NDUFAB1: variants seen among roughly 807,000 people sequenced by gnomAD.
The protein encoded by NDUFAB1 is acyl carrier protein, mitochondrial.
Under a neutral mutation model 16.1 loss-of-function variants are expected in NDUFAB1, and 5 were observed. The observed-to-expected ratio is 0.31, with a 90% CI of 0.16 to 0.65. The LOEUF (loss-of-function observed/expected upper bound fraction) is 0.65. Among genes scored for constraint, NDUFAB1 ranks in the 30% least tolerant of loss-of-function variants. NDUFAB1 has a pLI of 0.77. For synonymous variants in NDUFAB1, 85 were observed against 78.4 expected, an observed-to-expected ratio of 1.08 and a Z score of -0.44; for missense variants, 187 against 205.3, an observed-to-expected ratio of 0.91 and a Z score of 0.54.
chr16:23,582,224 G>A lies in NDUFAB1; in HGVS notation c.*8+52C>T, dbSNP rs1025689847. 5 of 1,372,194 alleles carry A rather than the reference G, an allele frequency of 3.6e-6. No individual in the cohort carries two copies. In the African/African-American group the frequency reaches 7.6e-5, roughly 21 times the overall value. 85.0% of individuals were successfully genotyped at this position (1,372,194 alleles called of 1,614,324 possible). On this transcript the variant is annotated intron_variant, in intron 4 of 4. Coordinates refer to ENST00000007516, the MANE Select transcript of NDUFAB1 (RefSeq NM_005003.3). ...TGTTTCTTCTTAAGTTTCCTTTATT[G>A]AAGAACCACAGACAAATCTATGGGT...
intron 1 of NDUFAB1, among the ~76,000 whole-genome samples, chr16:23,587,734 G>C (rs1368009077): frequency 6.6e-6 from 1 of 152,272 alleles, no homozygotes; most frequent in African/African-American, 2.4e-5. Flanking sequence ...AACCCAAAAG[G>C]AAAGAGCTGT....
intron 1 of NDUFAB1, among the ~76,000 whole-genome samples, chr16:23,592,344 A>G (rs1396398274): frequency 6.6e-6 from 1 of 151,608 alleles, no homozygotes; most frequent in Non-Finnish European, 1.5e-5. Flanking sequence ...TGTCTGGAAA[A>G]AAAAAAAAAA....
chr16:23,591,329 G>A (rs935593664), intron 1 of NDUFAB1, among the ~76,000 whole-genome samples: 1 of 152,172 alleles, frequency 6.6e-6, no homozygotes, highest in Admixed American at 6.5e-5. Flanking sequence ...AAAGAGTGAT[G>A]ACCCTCTGGG....
chr16:23,594,595 G>A lies in NDUFAB1; in HGVS notation c.168+1528C>T, dbSNP rs1597057373. 1.3e-5 allele frequency among the ~76,000 whole-genome samples: 2 copies of A among 151,794 alleles called. 1 individual carries two copies. Among genetic ancestry groups the A allele is most frequent in the South Asian group, 4.2e-4 (2 of 4,814 alleles). On this transcript the variant is annotated intron_variant, in intron 1 of 4. Transcript: ENST00000007516. ...TCTCGATCGCCTGACCTCGTGATCC[G>A]CCCGCCTCGGCATCCCAAAGTGCTG...
chr16:23,581,418 C>A (rs926847905), intron 4 of NDUFAB1, among the ~76,000 whole-genome samples: 1 of 152,002 alleles, frequency 6.6e-6, no homozygotes, highest in East Asian at 1.9e-4. Context: ...TGGAGGTGCA[C>A]GCCTGTAATC....
chr16:23,594,003 C>T (rs1341581352), intron 1 of NDUFAB1, among the ~76,000 whole-genome samples: 1 of 151,922 alleles, frequency 6.6e-6, no homozygotes. Context: ...GCCTCAGCCT[C>T]CCGAGTAGCT....
At chr16:23,584,277 A>AAAAAAAAAAAAAAAAAAAAAC (rs1966214251) in intron 3 of NDUFAB1, among the ~76,000 whole-genome samples, 1 of 143,942 alleles carries the variant, frequency 6.9e-6, no homozygotes, top group Non-Finnish European at 1.5e-5. Flanking sequence ...AAAAAAAAGA[A>AAAAAAAAAAAAAAAAAAAAAC]ACCCAGTGCC....
chr16:23,584,563 C>T (rs1029157605), intron 3 of NDUFAB1, among the ~76,000 whole-genome samples: 1 of 151,904 alleles, frequency 6.6e-6, no homozygotes, highest in African/African-American at 2.4e-5. Flanking sequence ...TTTTACACAT[C>T]ATCTCTAATT....
At chr16:23,585,447 C>T in intron 2 of NDUFAB1, 24 bp from the exon 3 acceptor site, 1 of 1,563,312 alleles carries the variant, frequency 6.4e-7, no homozygotes, top group African/African-American at 1.4e-5. Context: ...GCACCAAACA[C>T]AAAATTTAGT....
At position 23,587,232 on chromosome 16, in the gene NDUFAB1, C is replaced by T. The variant is rs776920868; in HGVS notation, c.256G>A (p.Val86Ile). 7.4e-6 allele frequency: 12 copies of T among 1,613,860 alleles called. No homozygotes were observed. The highest frequency in any genetic ancestry group is 3.3e-5 in the South Asian group (3 of 91,082). The change falls in exon 2 of 5, where the codon GTA becomes ATA. Residue 86 changes from valine (V) to isoleucine (I), a missense_variant. Physicochemically the swap from Val to Ile is conservative, Grantham distance 29. Coordinates refer to ENST00000007516, the MANE Select transcript of NDUFAB1 (RefSeq NM_005003.3). ...TCAATCTTGTCATAGAGTTTCAATACGTAAAGAACACGGTCCTGGATGCCC... is the reference window on the plus strand; with the variant it reads ...TCAATCTTGTCATAGAGTTTCAATATGTAAAGAACACGGTCCTGGATGCCC... ...LEGIQDRVLYVLKLYDKIDPE... is the reference protein window; with the variant it reads ...LEGIQDRVLYILKLYDKIDPE...
At position 23,582,264 on chromosome 16, in the gene NDUFAB1, A is replaced by C; in HGVS notation, c.*8+12T>G. 1 of 1,463,866 alleles carries C rather than the reference A, an allele frequency of 6.8e-7. No homozygotes were observed. The highest frequency in any genetic ancestry group is 9.0e-7 in the Non-Finnish European group (1 of 1,105,644). The allele number at this position is 1,463,866 out of a possible 1,614,324, so 90.7% of individuals were successfully genotyped here. A position where few individuals can be genotyped will look rare whatever the true frequency, so the allele number is the denominator to read the frequency against. On this transcript the variant is annotated intron_variant, in intron 4 of 4. Coordinates refer to ENST00000007516, the MANE Select transcript of NDUFAB1 (RefSeq NM_005003.3). The stretch of plus-strand genomic sequence containing the variant: ...AATCTATGGGTGAACATCATTTTTT[A>C]AGTCTATTTACCTGATACTTTATTC...
rs202014314 is a variant in NDUFAB1 at position 23,596,174 on chromosome 16, C to T, written c.117G>A (p.Ala39=). 1.3e-5 allele frequency: 21 copies of T among 1,611,070 alleles called. No individual in the cohort carries two copies. The East Asian group carries it at 4.7e-4, about 36-fold the overall frequency. ...ARPLSTALCS[A]GTQTRLGTLQ... ...AAGTCCCGAGCCTCGTCTGGGTCCC[C>T]GCGGAGCAGAGAGCGGTGCTGAGAG... Residue 39 remains alanine (A), a synonymous_variant, in exon 1 of 5, where the codon GCG becomes GCA. Transcript: ENST00000007516.
Position 23,596,315 on chromosome 16 carries a change from G to GCGC in NDUFAB1, c.-26_-25insGCG. On this transcript the variant is annotated 5_prime_UTR_variant, in exon 1 of 5. Transcript: ENST00000007516. ...TGGCTACGCCAACCCAGGATGCACT[G>GCGC]CGCCGCCGCCTCCGGACCAGGGTTC... 1.3e-6 allele frequency: 2 copies of GCGC among 1,521,180 alleles called. No individual in the cohort carries two copies. Among genetic ancestry groups the GCGC allele is most frequent in the East Asian group, 5.3e-5 (2 of 37,692 alleles). The allele number at this position is 1,521,180 out of a possible 1,614,324, so 94.2% of individuals were successfully genotyped here. A position where few individuals can be genotyped will look rare whatever the true frequency, so the allele number is the denominator to read the frequency against.
chr16:23,591,532 G>A (rs1475739962), intron 1 of NDUFAB1, among the ~76,000 whole-genome samples: 1 of 152,196 alleles, frequency 6.6e-6, no homozygotes, highest in African/African-American at 2.4e-5. Context: ...CTCCTGACCT[G>A]TCTCCAAAAC....
At chr16:23,584,442 TGTGCTGTAACACAC>T (rs1966216379) in intron 3 of NDUFAB1, among the ~76,000 whole-genome samples, 1 of 151,490 alleles carries the variant, frequency 6.6e-6, no homozygotes, top group East Asian at 1.9e-4. Context: ...TCAAGGTTCG[TGTGCTGTAACACAC>T]GTCACCCATG....
At chr16:23,592,249 CAGA>C (rs542147828) in intron 1 of NDUFAB1, among the ~76,000 whole-genome samples, 15 of 150,602 alleles carry the variant, frequency 1.0e-4, no homozygotes, top group Non-Finnish European at 1.6e-4. Flanking sequence ...GGGACTGAGG[CAGA>C]AGGATTGCTT....
At chr16:23,584,255 TAAAAAAAAAAA>T (rs58853102) in intron 3 of NDUFAB1, among the ~76,000 whole-genome samples, 1 of 34,064 alleles carries the variant, frequency 2.9e-5, no homozygotes, top group Non-Finnish European at 5.9e-5. Context: ...AATGATCAAT[TAAAAAAAAAAA>T]AAAAAAAAGA....
intron 4 of NDUFAB1, chr16:23,581,880 T>C (rs1966182567): frequency 6.5e-6 from 1 of 153,492 alleles, no homozygotes; most frequent in Admixed American, 6.5e-5. Context: ...GACTCCAAAG[T>C]CCATCCTCTT....
intron 3 of NDUFAB1, among the ~76,000 whole-genome samples, chr16:23,583,948 A>G (rs1288766281): frequency 3.3e-5 from 5 of 150,072 alleles, no homozygotes; most frequent in African/African-American, 7.4e-5. Flanking sequence ...CTGTTGATCT[A>G]TGACCTTACC....
Sources: allele counts gnomAD v4.1 joint callset (sites outside exome capture counted in the v4.1 genomes callset), GRCh38; gene constraint gnomAD v4.1.1; transcripts MANE v1.5; gene names NCBI Gene and HGNC (gene_info 2026-07-23, HGNC 2026-07-21).